Variants in CLIC4 observed in about 807,000 individuals in gnomAD.
CLIC4 encodes chloride intracellular channel protein 4.
CLIC4 carries 13 observed loss-of-function variants against 24.6 expected under a neutral mutation model. That is an observed-to-expected ratio of 0.53 (90% CI 0.34 to 0.84). The LOEUF (loss-of-function observed/expected upper bound fraction) is 0.84, where lower values mean the gene tolerates loss of function less well. CLIC4 is among the 40% of genes least tolerant of loss of function. CLIC4 has a pLI of 0.01. For synonymous variants in CLIC4, 104 were observed against 111.3 expected, an observed-to-expected ratio of 0.93 and a Z score of 0.41; for missense variants, 227 against 301.7, an observed-to-expected ratio of 0.75 and a Z score of 1.83.
chr1:24,751,524 C>T (rs977711142), intron 1 of CLIC4, among the ~76,000 whole-genome samples: 4 of 152,202 alleles, frequency 2.6e-5, no homozygotes, highest in Non-Finnish European at 5.9e-5. Context: ...AGGCGTGAGC[C>T]ACCGTGCCAG....
At chr1:24,774,913 A>G (rs1364783378) in intron 1 of CLIC4, among the ~76,000 whole-genome samples, 2 of 152,156 alleles carry the variant, frequency 1.3e-5, no homozygotes, top group African/African-American at 4.8e-5. Flanking sequence ...TCTACTGAAA[A>G]TACAAAAATT....
intron 1 of CLIC4, among the ~76,000 whole-genome samples, chr1:24,766,521 T>A (rs1228457103): frequency 1.1e-5 from 1 of 92,416 alleles, no homozygotes; most frequent in Non-Finnish European, 2.0e-5. Context: ...TTTTTTTTTT[T>A]GAGACGGGGT....
At chr1:24,782,564 T>C (rs949861467) in intron 1 of CLIC4, among the ~76,000 whole-genome samples, 14 of 152,216 alleles carry the variant, frequency 9.2e-5, no homozygotes, top group Middle Eastern at 3.4e-3. Flanking sequence ...TTGAAGATAA[T>C]ATATAAATGA....
intron 1 of CLIC4, among the ~76,000 whole-genome samples, chr1:24,796,964 T>C (rs144081687): frequency 1.3e-5 from 2 of 150,568 alleles, no homozygotes; most frequent in Non-Finnish European, 3.0e-5. Context: ...TTATTTATTT[T>C]TTTTTTTTGA....
chr1:24,750,236 C>T (rs1306398157), intron 1 of CLIC4, among the ~76,000 whole-genome samples: 1 of 152,060 alleles, frequency 6.6e-6, no homozygotes, highest in Non-Finnish European at 1.5e-5. Context: ...CAGAACAAGA[C>T]CCTGTCTCGG....
chr1:24,811,511 T>C (rs1253741266), intron 2 of CLIC4, among the ~76,000 whole-genome samples: 1 of 151,892 alleles, frequency 6.6e-6, no homozygotes, highest in Non-Finnish European at 1.5e-5. Context: ...CTCACTCTGT[T>C]GCCCAGGCTG....
intron 1 of CLIC4, among the ~76,000 whole-genome samples, chr1:24,767,725 T>C (rs1329174618): frequency 6.6e-6 from 1 of 151,992 alleles, no homozygotes; most frequent in Non-Finnish European, 1.5e-5. Flanking sequence ...TTTCTTTTTT[T>C]CCTCTCTCTC....
intron 1 of CLIC4, among the ~76,000 whole-genome samples, chr1:24,775,672 T>TG (rs1557799615): frequency 4.0e-5 from 6 of 151,846 alleles, no homozygotes; most frequent in Admixed American, 3.9e-4. Context: ...ATTTACATTT[T>TG]TGTGTGTGAT....
chr1:24,791,605 G>A (rs1407669048), intron 1 of CLIC4, among the ~76,000 whole-genome samples: 2 of 152,086 alleles, frequency 1.3e-5, no homozygotes, highest in Admixed American at 6.6e-5. Context: ...GCCGGGCGGC[G>A]TGGCTCATGC....
chr1:24,796,485 C>T (rs774725658), intron 1 of CLIC4, among the ~76,000 whole-genome samples: 1 of 152,164 alleles, frequency 6.6e-6, no homozygotes, highest in Non-Finnish European at 1.5e-5. Flanking sequence ...CTGCACCCAG[C>T]TTATAATTCG....
intron 1 of CLIC4, among the ~76,000 whole-genome samples, chr1:24,755,478 G>C (rs1235989944): frequency 6.6e-6 from 1 of 151,480 alleles, no homozygotes; most frequent in Non-Finnish European, 1.5e-5. Flanking sequence ...GGTGGTGGTG[G>C]TGAGTGCCTC....
intron 1 of CLIC4, among the ~76,000 whole-genome samples, chr1:24,757,276 C>G (rs2124084993): frequency 6.6e-6 from 1 of 152,290 alleles, no homozygotes; most frequent in South Asian, 2.1e-4. Flanking sequence ...GGTGGTCTGC[C>G]TGCCTTGACC....
intron 2 of CLIC4, among the ~76,000 whole-genome samples, chr1:24,798,539 AC>A (rs1391408700): frequency 6.6e-6 from 1 of 152,148 alleles, no homozygotes; most frequent in East Asian, 1.9e-4. Context: ...ATGTCTATTC[AC>A]CTTTAGCAAA....
At chr1:24,797,919 C>A in intron 2 of CLIC4, 68 bp downstream of exon 2, 1 of 1,034,824 alleles carries the variant, frequency 9.7e-7, no homozygotes, top group Non-Finnish European at 1.5e-6. Flanking sequence ...CCTATTTTCA[C>A]CTTGATGGCA....
chr1:24,770,307 G>GAA (rs35742055), intron 1 of CLIC4, among the ~76,000 whole-genome samples: 4 of 126,196 alleles, frequency 3.2e-5, no homozygotes, highest in Admixed American at 8.1e-5. Context: ...GAGGTTGGTA[G>GAA]AAAAAAAAAA....
intron 1 of CLIC4, chr1:24,793,131 T>G (rs1043447633): frequency 1.3e-5 from 2 of 149,698 alleles, no homozygotes; most frequent in South Asian, 2.1e-4. Flanking sequence ...TGAGTCAGAC[T>G]AGTTCTTTGT....
intron 1 of CLIC4, among the ~76,000 whole-genome samples, chr1:24,796,220 T>C (rs1639398210): frequency 6.6e-6 from 1 of 152,120 alleles, no homozygotes; most frequent in African/African-American, 2.4e-5. Context: ...GATGGAGTCT[T>C]GCTCCTTCGC....
At chr1:24,764,813 T>A (rs367573372) in intron 1 of CLIC4, among the ~76,000 whole-genome samples, 101 of 152,316 alleles carry the variant, frequency 6.6e-4, no homozygotes, top group African/African-American at 2.4e-3. Flanking sequence ...TTTTATTTAC[T>A]TTGTGTTTTA....
intron 1 of CLIC4, among the ~76,000 whole-genome samples, chr1:24,793,454 T>A (rs943705442): frequency 6.6e-6 from 1 of 152,146 alleles, no homozygotes. Context: ...TCTCCTTGAG[T>A]GCCTATAACA....
Sources: allele counts gnomAD v4.1 joint callset (sites outside exome capture counted in the v4.1 genomes callset), GRCh38; gene constraint gnomAD v4.1.1; transcripts MANE v1.5; gene names NCBI Gene and HGNC (gene_info 2026-07-23, HGNC 2026-07-21).